The following SLCO1B3 variants were observed in gnomAD, a reference collection of about 807,000 sequenced individuals.
SLCO1B3 encodes the protein solute carrier organic anion transporter family member 1B3, also known as liver-specific organic anion transporter 2.
A neutral mutation model predicts 71.8 loss-of-function variants in SLCO1B3; 72 were observed. The ratio of observed to expected loss-of-function variants is 1.00; its 90% CI spans 0.83 to 1.22. The LOEUF is 1.22. SLCO1B3 is among the 50% of genes most tolerant of loss of function. SLCO1B3 has a pLI of 0.00. For missense variants in SLCO1B3, 911 were observed against 819.7 expected, an observed-to-expected ratio of 1.11 and a Z score of -1.36; for synonymous variants, 298 against 278.4, an observed-to-expected ratio of 1.07 and a Z score of -0.70.
intron 3 of SLCO1B3, among the ~76,000 whole-genome samples, chr12:20,823,956 A>C (rs1219592698): frequency 6.6e-6 from 1 of 152,338 alleles, no homozygotes; most frequent in African/African-American, 2.4e-5. Flanking sequence ...TCAAGGACTT[A>C]GTAAAATAAC....
At chr12:20,827,563 C>T (rs1024089778) in intron 3 of SLCO1B3, among the ~76,000 whole-genome samples, 1 of 95,500 alleles carries the variant, frequency 1.0e-5, no homozygotes, top group African/African-American at 3.6e-5. Context: ...ATATTTCAGA[C>T]TTCCAATTTC....
chr12:20,867,329 A>G (rs915066692), intron 8 of SLCO1B3, among the ~76,000 whole-genome samples: 3 of 152,186 alleles, frequency 2.0e-5, no homozygotes, highest in Non-Finnish European at 4.4e-5. Flanking sequence ...AAGCCTTCAA[A>G]CAGGAAACAA....
Position 20,915,169 on chromosome 12 carries a change from T to G in SLCO1B3, c.1866-835T>G, listed in dbSNP as rs1302560808. ...GTGTAGTCCTTCCAATGTTCTTGGT[T>G]ATTCTGTTTTTTCTTTCTTTTGTCT... On this transcript the variant is annotated intron_variant, in intron 15 of 15. Transcript: ENST00000381545. 2.0e-5 allele frequency among the ~76,000 whole-genome samples: 3 copies of G among 152,118 alleles called. No individual in the cohort carries two copies. In the East Asian group the frequency reaches 5.8e-4, roughly 29 times the overall value.
chr12:20,892,302 C>T lies in SLCO1B3; in HGVS notation c.1683-6134C>T, dbSNP rs184003318. Among the ~76,000 whole-genome samples, 4 of 152,076 alleles carry T rather than the reference C, an allele frequency of 2.6e-5. No individual in the cohort carries two copies. The East Asian group carries it at 7.7e-4, about 29-fold the overall frequency. ...ATTGAAGAGGATAGAGAGAAAATGC[C>T]AGAAAGGGAAGTGCAACAGTCAGCA... On this transcript the variant is annotated intron_variant, in intron 13 of 15. Transcript: ENST00000381545.
At chr12:20,822,406 G>A (rs1054229764) in intron 3 of SLCO1B3, among the ~76,000 whole-genome samples, 3 of 152,120 alleles carry the variant, frequency 2.0e-5, no homozygotes, top group Admixed American at 2.0e-4. Flanking sequence ...TGCTCGGTGG[G>A]GGAGCTTCTG....
chr12:20,823,066 T>C (rs1231997646), intron 3 of SLCO1B3, among the ~76,000 whole-genome samples: 1 of 151,976 alleles, frequency 6.6e-6, no homozygotes, highest in South Asian at 2.1e-4. Flanking sequence ...TCTTATGTCC[T>C]GCAAAGAAAA....
rs570148444 is a variant in SLCO1B3, at chr12:20,880,750, C to T, written c.1332-105C>T. ...TTCTCTTCTCTTTTCCTCTTCTCTT[C>T]CTCCTCCTCTATTTCCCCTCTCCTT... On this transcript the variant is annotated intron_variant, in intron 11 of 15. Transcript: ENST00000381545. The T allele has an allele frequency of 3.8e-5, 24 of 623,446 alleles. 1 individual carries two copies. The South Asian group carries it at 8.5e-4, about 22-fold the overall frequency. The allele number at this position is 623,446 out of a possible 1,614,324, so 38.6% of individuals were successfully genotyped here.
intron 11 of SLCO1B3, among the ~76,000 whole-genome samples, chr12:20,880,525 T>C (rs1865668515): frequency 2.0e-5 from 3 of 152,084 alleles, no homozygotes; most frequent in Admixed American, 6.6e-5. Flanking sequence ...TAAAGTTTCA[T>C]TGATAGAATG....
Position 20,824,609 on chromosome 12 carries a change from A to G in SLCO1B3, c.84+8787A>G, listed in dbSNP as rs191288168. Reference sequence around the variant, plus strand: ...CATAATAATCATAATTACTACTGACAACATCTACTAAGACATATTAGAATC... The same window carrying G: ...CATAATAATCATAATTACTACTGACGACATCTACTAAGACATATTAGAATC... On this transcript the variant is annotated intron_variant, in intron 3 of 15. Coordinates refer to ENST00000381545, the MANE Select transcript of SLCO1B3 (RefSeq NM_019844.4). Among the ~76,000 whole-genome samples the G allele has an allele frequency of 1.8e-3, 279 of 152,324 alleles. 1 individual carries two copies. The highest frequency in any genetic ancestry group is 3.4e-3 in the Middle Eastern group (1 of 294).
chr12:20,876,330 G>A (rs571954649), intron 9 of SLCO1B3, among the ~76,000 whole-genome samples: 19 of 152,234 alleles, frequency 1.2e-4, no homozygotes, highest in Middle Eastern at 3.4e-3. Flanking sequence ...GGTATTGACA[G>A]CAGTTTTCAG....
At chr12:20,854,194 G>A (rs1865083689) in intron 3 of SLCO1B3, among the ~76,000 whole-genome samples, 1 of 152,064 alleles carries the variant, frequency 6.6e-6, no homozygotes, top group Non-Finnish European at 1.5e-5. Flanking sequence ...TTGATAGAGA[G>A]TGCTCTATTT....
Position 20,859,276 on chromosome 12 carries a change from G to A in SLCO1B3, c.359+705G>A, listed in dbSNP as rs145006959. On this transcript the variant is annotated intron_variant, in intron 5 of 15. Coordinates refer to ENST00000381545, the MANE Select transcript of SLCO1B3 (RefSeq NM_019844.4). The stretch of plus-strand genomic sequence containing the variant: ...TTCACTGATTTCACATTTACGGGAA[G>A]TCAGTTACGTTTTACACATAGATAT... Among the ~76,000 whole-genome samples, 385 of 152,268 alleles carry A rather than the reference G, an allele frequency of 2.5e-3. 1 individual carries two copies. The highest frequency in any genetic ancestry group is 9.0e-3 in the African/African-American group (374 of 41,544).
intron 3 of SLCO1B3, among the ~76,000 whole-genome samples, chr12:20,839,068 C>CT (rs1425627701): frequency 6.6e-6 from 1 of 151,934 alleles, no homozygotes; most frequent in African/African-American, 2.4e-5. Context: ...GGTAGTGTAA[C>CT]TTGCAAAACA....
intron 3 of SLCO1B3, among the ~76,000 whole-genome samples, chr12:20,836,308 A>G (rs1048560232): frequency 1.3e-5 from 2 of 152,332 alleles, no homozygotes; most frequent in East Asian, 3.9e-4. Flanking sequence ...ATTGATTTTC[A>G]TACATTGAAC....
intron 15 of SLCO1B3, among the ~76,000 whole-genome samples, chr12:20,903,804 C>A (rs1268125044): frequency 6.6e-6 from 1 of 152,162 alleles, no homozygotes; most frequent in Non-Finnish European, 1.5e-5. Context: ...CTGTTCTTCT[C>A]ATATTGCAAA....
intron 2 of SLCO1B3, among the ~76,000 whole-genome samples, chr12:20,814,580 T>C (rs1864158250): frequency 6.6e-6 from 1 of 152,114 alleles, no homozygotes; most frequent in South Asian, 2.1e-4. Flanking sequence ...AGAGAAAATA[T>C]TATGTATTTA....
At chr12:20,912,301 T>TTTTATTTA (rs142241896) in intron 15 of SLCO1B3, among the ~76,000 whole-genome samples, 1,536 of 139,666 alleles carry the variant, frequency 0.011, 22 homozygotes, top group African/African-American at 0.039. Context: ...TTATTTTTAT[T>TTTTATTTA]TTTATTTATT....
rs538028845 is a variant in SLCO1B3 at position 20,831,882 on chromosome 12, G to A, written c.84+16060G>A. 1.6e-4 allele frequency among the ~76,000 whole-genome samples: 24 copies of A among 152,220 alleles called. No homozygotes were observed. In the South Asian group the frequency reaches 3.9e-3, roughly 25 times the overall value. On this transcript the variant is annotated intron_variant, in intron 3 of 15. Transcript: ENST00000381545. Reference sequence around the variant, plus strand: ...GCACTTACTATATATGAGATATTGCGCTAGTGTTTTGTTTGCGTTAATAGA... The same window carrying A: ...GCACTTACTATATATGAGATATTGCACTAGTGTTTTGTTTGCGTTAATAGA...
At chr12:20,814,678 C>G (rs1360156852) in intron 2 of SLCO1B3, among the ~76,000 whole-genome samples, 2 of 152,024 alleles carry the variant, frequency 1.3e-5, no homozygotes, top group Non-Finnish European at 2.9e-5. Flanking sequence ...ATCAGGAGGT[C>G]AGGAGATCGA....
Sources: gnomAD v4.1 joint callset for allele counts (sites outside exome capture counted in the v4.1 genomes callset) on GRCh38, gnomAD v4.1.1 for gene constraint, MANE v1.5 for transcripts, NCBI Gene and HGNC (gene_info 2026-07-23, HGNC 2026-07-21) for gene names.